The following RAP1GDS1 variants were observed in gnomAD, a reference collection of about 807,000 sequenced individuals.
RAP1GDS1 encodes RAP1, GTP-GDP dissociation stimulator 1.
RAP1GDS1 carries 35 observed loss-of-function variants against 71.1 expected under a neutral mutation model. The observed-to-expected ratio is 0.49, with a 90% confidence interval of 0.38 to 0.65. RAP1GDS1 has a LOEUF of 0.65. RAP1GDS1 is among the 30% of genes least tolerant of loss of function. The pLI is 0.00. For missense variants in RAP1GDS1, 663 were observed against 706.1 expected, an observed-to-expected ratio of 0.94 and a Z score of 0.69; for synonymous variants, 229 against 243.1, an observed-to-expected ratio of 0.94 and a Z score of 0.54.
At chr4:98,342,419 A>G (rs1471179874) in intron 2 of RAP1GDS1, among the ~76,000 whole-genome samples, 1 of 152,142 alleles carries the variant, frequency 6.6e-6, no homozygotes, top group East Asian at 1.9e-4. Flanking sequence ...GCTTTTCTTT[A>G]TTTTTAACAT....
rs1170705355 is a variant in RAP1GDS1 at position 98,436,923 on chromosome 4, C to T, written c.1568-17C>T. ...ACTGGGTTCGTACGCAGTAGATATA[C>T]TTTGTTTTATTTGTAGGCACTGCTG... On this transcript the variant is annotated splice_polypyrimidine_tract_variant and intron_variant, in intron 13 of 14. Coordinates refer to ENST00000408927, the MANE Select transcript of RAP1GDS1 (RefSeq NM_001100427.2). 1 of 1,584,186 alleles carries T rather than the reference C, an allele frequency of 6.3e-7. No individual in the cohort carries two copies.
At chr4:98,285,980 C>T (rs1172517034) in intron 1 of RAP1GDS1, among the ~76,000 whole-genome samples, 2 of 149,676 alleles carry the variant, frequency 1.3e-5, no homozygotes, top group African/African-American at 4.9e-5. Context: ...AAGATTATTG[C>T]CATGGCTGGG....
chr4:98,418,911 T>C, intron 10 of RAP1GDS1, 120 bp downstream of exon 10: 1 of 991,168 alleles, frequency 1.0e-6, no homozygotes, highest in African/African-American at 1.7e-5. Flanking sequence ...AAAAATAGTC[T>C]TCACATTGTT....
intron 1 of RAP1GDS1, among the ~76,000 whole-genome samples, chr4:98,287,850 A>G (rs1019107936): frequency 3.3e-5 from 5 of 152,084 alleles, no homozygotes; most frequent in African/African-American, 1.2e-4. Context: ...ATTTAGGTAC[A>G]TTCCTGTTAG....
intron 12 of RAP1GDS1, among the ~76,000 whole-genome samples, chr4:98,432,206 T>C (rs908809612): frequency 1.3e-5 from 2 of 152,236 alleles, no homozygotes; most frequent in Admixed American, 6.5e-5. Context: ...GAGAGGACAC[T>C]GTTCATTTCT....
chr4:98,307,041 AAT>A (rs1279241221), intron 2 of RAP1GDS1, among the ~76,000 whole-genome samples: 4 of 152,032 alleles, frequency 2.6e-5, no homozygotes, highest in African/African-American at 9.7e-5. Context: ...TTCTTTGTAA[AAT>A]ATATGTCTTC....
intron 7 of RAP1GDS1, among the ~76,000 whole-genome samples, 195 bp downstream of exon 7, chr4:98,404,797 T>A (rs980770339): frequency 6.6e-6 from 1 of 152,164 alleles, no homozygotes; most frequent in Non-Finnish European, 1.5e-5. Context: ...ACTTTCCAGG[T>A]TCCTTTGATT....
At chr4:98,292,917 T>C (rs1040685685) in intron 1 of RAP1GDS1, among the ~76,000 whole-genome samples, 1 of 152,298 alleles carries the variant, frequency 6.6e-6, no homozygotes, top group Non-Finnish European at 1.5e-5. Context: ...ATGTGAAGTA[T>C]TTTTGAAATG....
chr4:98,284,738 A>G (rs1343897917), intron 1 of RAP1GDS1, among the ~76,000 whole-genome samples: 2 of 152,168 alleles, frequency 1.3e-5, no homozygotes, highest in Non-Finnish European at 2.9e-5. Flanking sequence ...GATTGTTGGA[A>G]TACCAGCCTG....
intron 4 of RAP1GDS1, among the ~76,000 whole-genome samples, chr4:98,356,900 C>T (rs529430452): frequency 2.9e-4 from 44 of 151,796 alleles, no homozygotes; most frequent in African/African-American, 9.9e-4. Flanking sequence ...TGCATGTATC[C>T]GTTTGTATAT....
intron 6 of RAP1GDS1, among the ~76,000 whole-genome samples, chr4:98,402,444 A>G (rs1016273276): frequency 4.6e-5 from 7 of 152,058 alleles, no homozygotes; most frequent in Non-Finnish European, 7.4e-5. Context: ...TGAGGGTTTC[A>G]GTATCTTATT....
intron 2 of RAP1GDS1, among the ~76,000 whole-genome samples, chr4:98,323,644 G>A (rs1179995575): frequency 8.1e-6 from 1 of 123,702 alleles, no homozygotes; most frequent in Non-Finnish European, 1.7e-5. Context: ...ATGTAATCCA[G>A]CATATAAACA....
intron 11 of RAP1GDS1, among the ~76,000 whole-genome samples, chr4:98,420,834 T>G (rs528477941): frequency 1.3e-5 from 2 of 152,346 alleles, no homozygotes; most frequent in South Asian, 4.1e-4. Flanking sequence ...CAGTCAAAAA[T>G]TTTTTAAATT....
intron 1 of RAP1GDS1, among the ~76,000 whole-genome samples, chr4:98,285,430 A>G (rs1418729529): frequency 6.6e-6 from 1 of 152,184 alleles, no homozygotes; most frequent in Non-Finnish European, 1.5e-5. Flanking sequence ...TTGGCTAATG[A>G]AAAATGTCAA....
intron 12 of RAP1GDS1, among the ~76,000 whole-genome samples, chr4:98,433,032 C>G (rs1200424003): frequency 6.6e-6 from 1 of 151,916 alleles, no homozygotes; most frequent in African/African-American, 2.4e-5. Context: ...AAGAGAGGTT[C>G]AGTAATTTGC....
Position 98,261,399 on chromosome 4 carries a change from G to A in RAP1GDS1, c.-167G>A. ...GCCCCCCGCCGCTCGTCCCCGCCGC[G>A]GCCGCGCCGCCTGCAGCAGCACCAG... is the stretch of plus-strand genomic sequence containing the variant. On this transcript the variant is annotated 5_prime_UTR_variant, in exon 1 of 15. Transcript: ENST00000408927. The A allele has an allele frequency of 5.4e-6, 1 of 186,830 alleles. No homozygotes were observed. The highest frequency in any genetic ancestry group is 9.2e-6 in the Non-Finnish European group (1 of 108,332). 11.6% of individuals were successfully genotyped at this position (186,830 alleles called of 1,614,324 possible).
intron 5 of RAP1GDS1, among the ~76,000 whole-genome samples, chr4:98,384,131 ACTGT>A (rs1453286593): frequency 2.0e-5 from 3 of 151,450 alleles, no homozygotes; most frequent in Non-Finnish European, 4.4e-5. Flanking sequence ...TTGTTCTGAT[ACTGT>A]CTTTTTTAAT....
intron 1 of RAP1GDS1, among the ~76,000 whole-genome samples, chr4:98,277,803 G>A (rs895238319): frequency 6.6e-6 from 1 of 152,228 alleles, no homozygotes. Context: ...ATCCTATAGT[G>A]ATAATAGGAA....
chr4:98,392,964 C>T (rs1226548722), intron 6 of RAP1GDS1, among the ~76,000 whole-genome samples: 1 of 152,248 alleles, frequency 6.6e-6, no homozygotes, highest in Admixed American at 6.5e-5. Flanking sequence ...GCCTCAGCAC[C>T]TCCACCTCTT....
Sources: gnomAD v4.1 joint callset for allele counts (sites outside exome capture counted in the v4.1 genomes callset) on GRCh38, gnomAD v4.1.1 for gene constraint, MANE v1.5 for transcripts, NCBI Gene and HGNC (gene_info 2026-07-23, HGNC 2026-07-21) for gene names.